The following RAB3C variants were observed in gnomAD, a reference collection of about 807,000 sequenced individuals.
RAB3C encodes the protein ras-related protein Rab-3C.
In RAB3C, 17 loss-of-function variants were observed where a neutral mutation model predicts 26.4. The ratio of observed to expected loss-of-function variants is 0.64; its 90% CI spans 0.44 to 0.97. The LOEUF (loss-of-function observed/expected upper bound fraction) is 0.97. RAB3C is among the 50% of genes least tolerant of loss of function. The probability of loss-of-function intolerance (pLI) is 0.00; values close to 1 mark genes in which losing one functional copy is unlikely to be tolerated. For missense variants in RAB3C, 242 were observed against 281.9 expected, an observed-to-expected ratio of 0.86 and a Z score of 1.01; for synonymous variants, 91 against 95.9, an observed-to-expected ratio of 0.95 and a Z score of 0.30.
In RAB3C at chr5:58,649,469, C is replaced by T. The variant is rs191854778; in HGVS notation, c.252+31599C>T. ...ACCTTCCTGAAGTGCTTCATCTTTC[C>T]TTGCCAGGATACAGACCTACTTCTC... On this transcript the variant is annotated intron_variant, in intron 2 of 4. Transcript: ENST00000282878. Among the ~76,000 whole-genome samples the T allele has an allele frequency of 2.2e-3, 329 of 151,998 alleles. 1 individual carries two copies. The highest frequency in any genetic ancestry group is 3.6e-3 in the Non-Finnish European group (247 of 67,998).
intron 4 of RAB3C, among the ~76,000 whole-genome samples, chr5:58,845,835 C>T (rs1364428282): frequency 1.3e-5 from 2 of 151,720 alleles, no homozygotes; most frequent in African/African-American, 2.4e-5. Flanking sequence ...AAAGAAGCCC[C>T]CTGCCCATCA....
chr5:58,787,945 CT>C (rs1742430108), intron 3 of RAB3C, among the ~76,000 whole-genome samples: 1 of 152,162 alleles, frequency 6.6e-6, no homozygotes, highest in South Asian at 2.1e-4. Flanking sequence ...CAAGACTTTT[CT>C]TTTTTTCAAG....
At chr5:58,616,741 C>A (rs1746832715) in intron 1 of RAB3C, among the ~76,000 whole-genome samples, 2 of 152,090 alleles carry the variant, frequency 1.3e-5, no homozygotes, top group Admixed American at 1.3e-4. Context: ...AATAACAAAC[C>A]AAGGTCACAC....
At chr5:58,690,313 A>G (rs998627042) in intron 2 of RAB3C, among the ~76,000 whole-genome samples, 3 of 152,190 alleles carry the variant, frequency 2.0e-5, no homozygotes, top group Non-Finnish European at 2.9e-5. Flanking sequence ...GTAACAAACT[A>G]TACCAAAACT....
At chr5:58,697,330 G>A (rs1748729403) in intron 2 of RAB3C, among the ~76,000 whole-genome samples, 1 of 152,164 alleles carries the variant, frequency 6.6e-6, no homozygotes, top group Non-Finnish European at 1.5e-5. Context: ...GCTGAGGAGT[G>A]CTTTACTTCC....
intron 4 of RAB3C, among the ~76,000 whole-genome samples, chr5:58,828,710 C>T (rs2112064226): frequency 6.6e-6 from 1 of 152,310 alleles, no homozygotes; most frequent in East Asian, 1.9e-4. Context: ...ATCAACCCAA[C>T]TCAGACCTGC....
chr5:58,582,214 G>T (rs543223988), upstream of RAB3C: 61 of 160,704 alleles, frequency 3.8e-4, no homozygotes, highest in Non-Finnish European at 6.1e-4. Flanking sequence ...TTTCCCTCCA[G>T]AGGAAAGAAG....
chr5:58,672,522 C>T (rs1260993875), intron 2 of RAB3C, among the ~76,000 whole-genome samples: 1 of 152,146 alleles, frequency 6.6e-6, no homozygotes, highest in Non-Finnish European at 1.5e-5. Flanking sequence ...CATCTTCAGT[C>T]TAAAATTATG....
intron 3 of RAB3C, among the ~76,000 whole-genome samples, chr5:58,758,518 C>A (rs1200333731): frequency 6.6e-6 from 1 of 152,072 alleles, no homozygotes; most frequent in Non-Finnish European, 1.5e-5. Flanking sequence ...GCATGTTAAA[C>A]CCTTAATTCA....
At chr5:58,761,407 T>G (rs1051779627) in intron 3 of RAB3C, among the ~76,000 whole-genome samples, 1 of 152,196 alleles carries the variant, frequency 6.6e-6, no homozygotes, top group Non-Finnish European at 1.5e-5. Flanking sequence ...CCCACAAATA[T>G]TTTTTAAATT....
intron 2 of RAB3C, among the ~76,000 whole-genome samples, chr5:58,673,322 A>T (rs1311426478): frequency 6.6e-6 from 1 of 152,128 alleles, no homozygotes; most frequent in African/African-American, 2.4e-5. Flanking sequence ...GTCCAACCTG[A>T]TCCAAAACAA....
chr5:58,719,473 T>C (rs1343295388), intron 2 of RAB3C, among the ~76,000 whole-genome samples: 1 of 151,972 alleles, frequency 6.6e-6, no homozygotes, highest in African/African-American at 2.4e-5. Flanking sequence ...GAGATTTATA[T>C]TGCCTTCAGT....
chr5:58,603,340 T>C (rs1199892240), intron 1 of RAB3C, among the ~76,000 whole-genome samples: 2 of 152,218 alleles, frequency 1.3e-5, no homozygotes, highest in Non-Finnish European at 2.9e-5. Context: ...CTTGCGCTTC[T>C]TGTATTTGAA....
intron 4 of RAB3C, among the ~76,000 whole-genome samples, chr5:58,837,570 T>TTC (rs1167056907): frequency 1.3e-5 from 2 of 149,982 alleles, no homozygotes; most frequent in Non-Finnish European, 3.0e-5. Flanking sequence ...TTTTTTTTTT[T>TTC]TTTTTTGAAA....
chr5:58,790,869 T>C (rs537274148), intron 3 of RAB3C, among the ~76,000 whole-genome samples: 1 of 152,226 alleles, frequency 6.6e-6, no homozygotes, highest in African/African-American at 2.4e-5. Flanking sequence ...TGATCTAGCA[T>C]CAGGCATAAA....
chr5:58,845,281 A>G (rs555798797), intron 4 of RAB3C, among the ~76,000 whole-genome samples: 73 of 152,228 alleles, frequency 4.8e-4, no homozygotes, highest in African/African-American at 1.6e-3. Flanking sequence ...CTGGGAGCAA[A>G]GTGGACAGAA....
At chr5:58,719,833 T>C (rs906143877) in intron 2 of RAB3C, among the ~76,000 whole-genome samples, 1 of 151,954 alleles carries the variant, frequency 6.6e-6, no homozygotes, top group African/African-American at 2.4e-5. Flanking sequence ...CAGGGTATAC[T>C]GCTTGGGTGA....
intron 1 of RAB3C, among the ~76,000 whole-genome samples, chr5:58,587,320 A>G (rs1037305016): frequency 3.9e-5 from 6 of 152,016 alleles, no homozygotes; most frequent in Non-Finnish European, 7.4e-5. Flanking sequence ...TCTTGAAACT[A>G]CTCTTGCCCA....
intron 3 of RAB3C, among the ~76,000 whole-genome samples, chr5:58,779,686 C>G (rs1283789040): frequency 5.3e-5 from 8 of 152,148 alleles, no homozygotes; most frequent in Non-Finnish European, 1.2e-4. Context: ...CTCTTCCCAG[C>G]CTTTACGATA....
Sources: gnomAD v4.1 joint callset for allele counts (sites outside exome capture counted in the v4.1 genomes callset) on GRCh38, gnomAD v4.1.1 for gene constraint, MANE v1.5 for transcripts, NCBI Gene and HGNC (gene_info 2026-07-23, HGNC 2026-07-21) for gene names.